Variants in CSMD1 observed in about 807,000 individuals in gnomAD.
The protein encoded by CSMD1 is CUB and sushi domain-containing protein 1.
A neutral mutation model predicts 417.5 loss-of-function variants in CSMD1; 213 were observed. The observed-to-expected ratio is 0.51, with a 90% CI of 0.46 to 0.57. The LOEUF (loss-of-function observed/expected upper bound fraction) is 0.57, where lower values mean the gene tolerates loss of function less well. CSMD1 is among the 20% of genes least tolerant of loss of function. CSMD1 has a pLI of 0.00. For synonymous variants in CSMD1, 2,862 were observed against 1,736.8 expected (o/e 1.65, Z -16.11); for missense variants, 6,923 against 4,529.7 (o/e 1.53, Z -15.17).
chr8:3,314,080 T>C (rs542125489), intron 23 of CSMD1, among the ~76,000 whole-genome samples: 4 of 146,732 alleles, frequency 2.7e-5, no homozygotes, highest in South Asian at 2.2e-4. Flanking sequence ...TGAGAACACA[T>C]GGACACAGGA....
intron 2 of CSMD1, among the ~76,000 whole-genome samples, chr8:4,540,008 C>T (rs949614472): frequency 1.3e-5 from 2 of 152,168 alleles, no homozygotes; most frequent in Admixed American, 6.5e-5. Context: ...CTCACCGGGG[C>T]CCTCTTCCCC....
chr8:3,621,937 C>T (rs969096890), intron 7 of CSMD1, among the ~76,000 whole-genome samples: 13 of 151,604 alleles, frequency 8.6e-5, no homozygotes, highest in African/African-American at 2.9e-4. Flanking sequence ...TTAAAACCAG[C>T]AAGCCTGATG....
chr8:3,688,740 G>A (rs752517348), intron 7 of CSMD1, among the ~76,000 whole-genome samples: 107 of 152,208 alleles, frequency 7.0e-4, no homozygotes, highest in Non-Finnish European at 1.1e-3. Flanking sequence ...TACTTTAAAA[G>A]TTGCTGGGTG....
chr8:3,186,676 T>A (rs1378914310), intron 36 of CSMD1, among the ~76,000 whole-genome samples: 1 of 152,158 alleles, frequency 6.6e-6, no homozygotes, highest in Non-Finnish European at 1.5e-5. Context: ...ATATCCACAG[T>A]TAAGAAAAAA....
intron 23 of CSMD1, among the ~76,000 whole-genome samples, chr8:3,317,399 T>G (rs1002285436): frequency 7.9e-5 from 12 of 152,220 alleles, no homozygotes; most frequent in Non-Finnish European, 1.8e-4. Context: ...GCTATAGGCA[T>G]AGACAGTATG....
At chr8:2,941,516 C>T (rs1390006988) in intron 69 of CSMD1, among the ~76,000 whole-genome samples, 1 of 152,122 alleles carries the variant, frequency 6.6e-6, no homozygotes, top group Admixed American at 6.5e-5. Context: ...TTTCCAGATT[C>T]CTCCAGGTAA....
intron 1 of CSMD1, among the ~76,000 whole-genome samples, chr8:4,725,519 T>G (rs1156632571): frequency 6.6e-6 from 1 of 152,150 alleles, no homozygotes; most frequent in Non-Finnish European, 1.5e-5. Context: ...GCACAGAGAT[T>G]TCCATTTTGC....
intron 50 of CSMD1, among the ~76,000 whole-genome samples, chr8:3,049,433 T>C (rs951003991): frequency 6.6e-6 from 1 of 152,024 alleles, no homozygotes; most frequent in African/African-American, 2.4e-5. Context: ...CCATGCAAAA[T>C]CATGGAGGAA....
Position 4,747,608 on chromosome 8 carries a change from C to G in CSMD1, c.86-110050G>C, listed in dbSNP as rs1269297383. Among the ~76,000 whole-genome samples, 3 of 152,180 alleles carry G rather than the reference C, an allele frequency of 2.0e-5. No homozygotes were observed. The East Asian group carries it at 5.8e-4, about 29-fold the overall frequency. The stretch of plus-strand genomic sequence containing the variant: ...AATACACTGAATGTTGTGCTTCTCT[C>G]TTTATTCTGGAGTTAGCATCATTAT... On this transcript the variant is annotated intron_variant, in intron 1 of 69. Coordinates refer to ENST00000635120, the MANE Select transcript of CSMD1 (RefSeq NM_033225.6).
intron 5 of CSMD1, among the ~76,000 whole-genome samples, chr8:3,834,807 C>A (rs565676473): frequency 6.6e-6 from 1 of 151,952 alleles, no homozygotes; most frequent in African/African-American, 2.4e-5. Context: ...AAAATTTTCA[C>A]AACCTACTCA....
chr8:4,280,051 G>C (rs570147402), intron 3 of CSMD1, among the ~76,000 whole-genome samples: 1 of 152,252 alleles, frequency 6.6e-6, no homozygotes, highest in South Asian at 2.1e-4. Flanking sequence ...CTCATAGCTA[G>C]AACGCTGAGC....
intron 7 of CSMD1, among the ~76,000 whole-genome samples, chr8:3,657,576 T>C (rs1798192756): frequency 6.6e-6 from 1 of 152,134 alleles, no homozygotes; most frequent in African/African-American, 2.4e-5. Flanking sequence ...ACCATCATTC[T>C]CAGCAAACTA....
intron 1 of CSMD1, among the ~76,000 whole-genome samples, chr8:4,767,840 G>A: frequency 6.6e-6 from 1 of 152,166 alleles, no homozygotes; most frequent in East Asian, 1.9e-4. Flanking sequence ...CAACTGCCCA[G>A]GAGTGTCCCT....
intron 23 of CSMD1, among the ~76,000 whole-genome samples, chr8:3,332,790 C>T (rs1238096974): frequency 6.6e-6 from 1 of 152,194 alleles, no homozygotes; most frequent in African/African-American, 2.4e-5. Flanking sequence ...GACCCTGATG[C>T]CCTCACCTCC....
intron 63 of CSMD1, 32 bp downstream of exon 63, chr8:2,957,664 C>G (rs370261882): frequency 7.6e-7 from 1 of 1,319,526 alleles, no homozygotes; most frequent in Admixed American, 2.0e-5. Context: ...AAATAGGTGA[C>G]TTGTGATGGG....
At chr8:3,922,946 G>A (rs1809378828) in intron 5 of CSMD1, among the ~76,000 whole-genome samples, 1 of 152,182 alleles carries the variant, frequency 6.6e-6, no homozygotes, top group Middle Eastern at 3.2e-3. Context: ...AACAGATTGT[G>A]TGAGCCCCTT....
chr8:3,820,162 C>T (rs2720743), intron 5 of CSMD1, among the ~76,000 whole-genome samples: 15,896 of 152,170 alleles, frequency 0.1, 2,106 homozygotes, highest in African/African-American at 0.31. Flanking sequence ...GAATGCCTTG[C>T]ACAAAGTGCT....
At chr8:4,698,598 A>AAT (rs376227116) in intron 1 of CSMD1, among the ~76,000 whole-genome samples, 3 of 145,936 alleles carry the variant, frequency 2.1e-5, no homozygotes, top group Non-Finnish European at 3.0e-5. Flanking sequence ...AATGATAGAA[A>AAT]TTTTTTTTTT....
chr8:3,283,442 T>A (rs1021285663), intron 26 of CSMD1, among the ~76,000 whole-genome samples: 3 of 152,154 alleles, frequency 2.0e-5, no homozygotes, highest in African/African-American at 4.8e-5. Flanking sequence ...GTCGTACGTT[T>A]TTTTTTTTAT....
Sources: allele counts gnomAD v4.1 joint callset (sites outside exome capture counted in the v4.1 genomes callset), GRCh38; gene constraint gnomAD v4.1.1; transcripts MANE v1.5; gene names NCBI Gene and HGNC (gene_info 2026-07-23, HGNC 2026-07-21).